Variants in MYO1D observed in about 807,000 individuals in gnomAD.
MYO1D encodes unconventional myosin-Id.
Under a neutral mutation model 122.0 loss-of-function variants are expected in MYO1D, and 83 were observed. The ratio of observed to expected loss-of-function variants is 0.68; its 90% CI spans 0.57 to 0.82. The LOEUF (loss-of-function observed/expected upper bound fraction) is 0.82, where lower values mean the gene tolerates loss of function less well. Ranked by LOEUF, MYO1D falls within the 40% of genes least tolerant of loss-of-function variation. MYO1D has a pLI of 0.00. For missense variants in MYO1D, 1,157 were observed against 1,269.5 expected (o/e 0.91, Z 1.35); for synonymous variants, 464 against 446.9 (o/e 1.04, Z -0.48).
intron 21 of MYO1D, among the ~76,000 whole-genome samples, chr17:32,569,707 T>A (rs577331457): frequency 2.6e-4 from 40 of 152,332 alleles, no homozygotes; most frequent in African/African-American, 9.6e-4. Context: ...AAATCTGAAT[T>A]TCCAGTTGCT....
At position 32,822,639 on chromosome 17, in the gene MYO1D, G is replaced by T. The variant is rs76719365; in HGVS notation, c.96-41855C>A. Among the ~76,000 whole-genome samples, 7 of 149,188 alleles carry T rather than the reference G, an allele frequency of 4.7e-5. No homozygotes were observed. The East Asian group carries it at 7.8e-4, about 17-fold the overall frequency. Reference sequence around the variant, plus strand: ...GGCCCGCCGGCCCCCGTCCCGGGGGGTGGCCGCGCGGGCCCCGGTGGGGCG... The same window carrying T: ...GGCCCGCCGGCCCCCGTCCCGGGGGTTGGCCGCGCGGGCCCCGGTGGGGCG... On this transcript the variant is annotated intron_variant, in intron 1 of 21. Transcript: ENST00000318217.
chr17:32,693,443 G>T (rs2089131263), intron 16 of MYO1D, among the ~76,000 whole-genome samples: 2 of 151,696 alleles, frequency 1.3e-5, no homozygotes, highest in Admixed American at 6.6e-5. Context: ...ACTAAACATA[G>T]TGGGGGCTCA....
At chr17:32,842,369 T>C (rs1291684619) in intron 1 of MYO1D, among the ~76,000 whole-genome samples, 1 of 152,146 alleles carries the variant, frequency 6.6e-6, no homozygotes. Context: ...ATCCCAGCAG[T>C]GCCCAGGTGG....
At chr17:32,750,022 G>A (rs916383401) in intron 11 of MYO1D, among the ~76,000 whole-genome samples, 6 of 152,168 alleles carry the variant, frequency 3.9e-5, no homozygotes, top group Non-Finnish European at 8.8e-5. Context: ...AAGGACTCCT[G>A]GAATCGAATG....
chr17:32,871,961 A>G (rs943376651), intron 1 of MYO1D, among the ~76,000 whole-genome samples: 1 of 152,224 alleles, frequency 6.6e-6, no homozygotes, highest in Admixed American at 6.5e-5. Flanking sequence ...ATGGTAGGAC[A>G]GGGATGTTGT....
chr17:32,693,060 T>C (rs1000126845), intron 16 of MYO1D, among the ~76,000 whole-genome samples: 1 of 152,216 alleles, frequency 6.6e-6, no homozygotes, highest in African/African-American at 2.4e-5. Context: ...TTTGATTGTA[T>C]ACATCTTAAC....
chr17:32,870,917 C>T (rs1489607219), intron 1 of MYO1D, among the ~76,000 whole-genome samples: 1 of 152,144 alleles, frequency 6.6e-6, no homozygotes, highest in East Asian at 1.9e-4. Flanking sequence ...AGGCTATCTG[C>T]CTTTGAGGAT....
At chr17:32,870,597 TAAAA>T (rs34935920) in intron 1 of MYO1D, among the ~76,000 whole-genome samples, 4 of 138,794 alleles carry the variant, frequency 2.9e-5, no homozygotes, top group Non-Finnish European at 3.1e-5. Flanking sequence ...GATTGTCTGC[TAAAA>T]AAAAAAAAAA....
At chr17:32,697,949 T>C (rs947629768) in intron 16 of MYO1D, among the ~76,000 whole-genome samples, 3 of 152,254 alleles carry the variant, frequency 2.0e-5, no homozygotes, top group Admixed American at 1.3e-4. Flanking sequence ...GTTTCTTGAA[T>C]GATGCCACTA....
rs140870176 is a variant in MYO1D, at chr17:32,537,684, T to A, written c.2865-42769A>T. Among the ~76,000 whole-genome samples, 45 of 152,252 alleles carry A rather than the reference T, an allele frequency of 3.0e-4. No homozygotes were observed. The East Asian group carries it at 8.7e-3, about 29-fold the overall frequency. On this transcript the variant is annotated intron_variant, in intron 21 of 21. Transcript: ENST00000318217. ...TGAGGGTTGTCCATTAGCATAGCGG[T>A]CCATAGAGAGAGAAATGAATCCATA...
In MYO1D at chr17:32,877,044, G is replaced by C. The variant is rs1020897512; in HGVS notation, c.-172C>G. 3.6e-5 allele frequency: 9 copies of C among 252,204 alleles called. No homozygotes were observed. The highest frequency in any genetic ancestry group is 1.8e-4 in the African/African-American group (8 of 43,760). 15.6% of individuals were successfully genotyped at this position (252,204 alleles called of 1,614,324 possible). A position where few individuals can be genotyped will look rare whatever the true frequency, so the allele number is the denominator to read the frequency against. On this transcript the variant is annotated 5_prime_UTR_variant, in exon 1 of 22. Transcript: ENST00000318217. Reference sequence around the variant, plus strand: ...GACAGAGGCCGCCTCGCTGCTCCTCGGCGCCTTCTCGGCCGGCGCGGCTCC... The same window carrying C: ...GACAGAGGCCGCCTCGCTGCTCCTCCGCGCCTTCTCGGCCGGCGCGGCTCC...
chr17:32,753,073 T>C (rs1043002887), intron 11 of MYO1D, among the ~76,000 whole-genome samples: 8 of 152,162 alleles, frequency 5.3e-5, no homozygotes, highest in African/African-American at 1.9e-4. Context: ...TACATATATA[T>C]AATGGAATAC....
At chr17:32,729,456 C>T (rs2089611794) in intron 14 of MYO1D, among the ~76,000 whole-genome samples, 1 of 151,996 alleles carries the variant, frequency 6.6e-6, no homozygotes, top group Non-Finnish European at 1.5e-5. Flanking sequence ...AAGTGAGGAG[C>T]CAGGGACGTC....
intron 20 of MYO1D, 141 bp from the exon 21 acceptor site, chr17:32,605,382 C>T: frequency 1.5e-6 from 1 of 681,388 alleles, no homozygotes; most frequent in South Asian, 3.9e-5. Context: ...ATCATTTGAG[C>T]CCTGGAGTTT....
intron 16 of MYO1D, among the ~76,000 whole-genome samples, chr17:32,679,320 A>G (rs946710606): frequency 4.5e-4 from 68 of 151,900 alleles, no homozygotes; most frequent in Non-Finnish European, 8.7e-4. Flanking sequence ...TGTTTTGTAC[A>G]TGAAGTCCTT....
intron 14 of MYO1D, among the ~76,000 whole-genome samples, chr17:32,723,624 T>C (rs574697173): frequency 1.3e-5 from 2 of 152,214 alleles, no homozygotes; most frequent in South Asian, 4.1e-4. Flanking sequence ...TGGAAGTCCA[T>C]CCTCGAGAGG....
chr17:32,503,363 C>A (rs2150854247), intron 21 of MYO1D, among the ~76,000 whole-genome samples: 1 of 152,332 alleles, frequency 6.6e-6, no homozygotes, highest in East Asian at 1.9e-4. Flanking sequence ...CATTCGCCGA[C>A]CTGCCCTGCC....
At chr17:32,699,242 G>A (rs1185728890) in intron 16 of MYO1D, among the ~76,000 whole-genome samples, 1 of 152,030 alleles carries the variant, frequency 6.6e-6, no homozygotes, top group African/African-American at 2.4e-5. Flanking sequence ...TGGGATTACA[G>A]GCATGATCCA....
At chr17:32,787,457 C>T (rs897972317) in intron 1 of MYO1D, among the ~76,000 whole-genome samples, 13 of 150,352 alleles carry the variant, frequency 8.6e-5, no homozygotes, top group Non-Finnish European at 1.6e-4. Context: ...CTCACTTTGT[C>T]GCCCAGGCTG....
Sources: allele counts gnomAD v4.1 joint callset (sites outside exome capture counted in the v4.1 genomes callset), GRCh38; gene constraint gnomAD v4.1.1; transcripts MANE v1.5; gene names NCBI Gene and HGNC (gene_info 2026-07-23, HGNC 2026-07-21).